HDAC9: variants seen among roughly 807,000 people sequenced by gnomAD.
The protein encoded by HDAC9 is MEF-2 interacting transcription repressor (MITR) protein.
In HDAC9, 41 loss-of-function variants were observed where a neutral mutation model predicts 139.4. The ratio of observed to expected loss-of-function variants is 0.29; its 90% CI spans 0.23 to 0.38. HDAC9 has a LOEUF of 0.38. Ranked by LOEUF, HDAC9 falls within the 10% of genes least tolerant of loss-of-function variation. HDAC9 has a pLI of 1.00. For synonymous variants in HDAC9, 517 were observed against 476.2 expected (o/e 1.09, Z -1.12); for missense variants, 1,147 against 1,297.0 (o/e 0.88, Z 1.78).
chr7:18,333,845 A>G (rs956840329), intron 1 of HDAC9, among the ~76,000 whole-genome samples: 13 of 151,466 alleles, frequency 8.6e-5, no homozygotes, highest in Non-Finnish European at 1.6e-4. Flanking sequence ...CTTAAAAATA[A>G]TAATGACAAA....
intron 1 of HDAC9, among the ~76,000 whole-genome samples, chr7:18,305,694 A>T (rs1264466052): frequency 6.6e-6 from 1 of 151,590 alleles, no homozygotes; most frequent in Non-Finnish European, 1.5e-5. Context: ...AAAGAAACAA[A>T]GTTTCTGATC....
chr7:18,423,198 T>A lies in HDAC9; in HGVS notation c.-41-73064T>A, dbSNP rs1009371853. Among the ~76,000 whole-genome samples, 8 of 152,268 alleles carry A rather than the reference T, an allele frequency of 5.3e-5. 1 individual carries two copies. The highest frequency in any genetic ancestry group is 1.7e-4 in the African/African-American group (7 of 41,474). On this transcript the variant is annotated intron_variant, in intron 1 of 3. Transcript: ENST00000413509. ...TCAAAAAGTACATTGATTATTTTTA[T>A]GAATGTTTAAAATTTAACAGCTTTC...
chr7:18,621,850 T>A (rs754163996), intron 6 of HDAC9, among the ~76,000 whole-genome samples: 23 of 152,206 alleles, frequency 1.5e-4, no homozygotes, highest in Non-Finnish European at 2.8e-4. Context: ...TAGAGTAACC[T>A]GTGTATTTTG....
intron 1 of HDAC9, among the ~76,000 whole-genome samples, chr7:18,111,450 A>G (rs1268661036): frequency 1.3e-5 from 2 of 152,230 alleles, no homozygotes; most frequent in African/African-American, 2.4e-5. Context: ...GTGGCAGAGT[A>G]TCACTGCCCC....
intron 1 of HDAC9, among the ~76,000 whole-genome samples, chr7:18,407,226 T>G (rs565336359): frequency 6.6e-6 from 1 of 152,336 alleles, no homozygotes; most frequent in South Asian, 2.1e-4. Flanking sequence ...CACCTATTTA[T>G]TGAGTTCTTT....
At chr7:18,303,391 G>T (rs1768328491) in intron 1 of HDAC9, among the ~76,000 whole-genome samples, 1 of 130,294 alleles carries the variant, frequency 7.7e-6, no homozygotes, top group African/African-American at 3.2e-5. Flanking sequence ...GTGTGTGTGT[G>T]TGTGTGTGTG....
chr7:18,798,895 C>G (rs1026651345), intron 17 of HDAC9, among the ~76,000 whole-genome samples: 1 of 152,096 alleles, frequency 6.6e-6, no homozygotes, highest in African/African-American at 2.4e-5. Context: ...TATATGCATA[C>G]TCAGATTTGT....
At chr7:18,832,728 GAT>G (rs138661929) in intron 19 of HDAC9, among the ~76,000 whole-genome samples, 130 of 68,006 alleles carry the variant, frequency 1.9e-3, no homozygotes, top group African/African-American at 5.2e-3. Flanking sequence ...ACAAAAAAAT[GAT>G]ATATATATAT....
chr7:18,167,223 A>C (rs1039599219), intron 2 of HDAC9, among the ~76,000 whole-genome samples: 1 of 150,830 alleles, frequency 6.6e-6, no homozygotes, highest in African/African-American at 2.4e-5. Flanking sequence ...CTTTAACTTC[A>C]CAGTTAAGTG....
intron 2 of HDAC9, among the ~76,000 whole-genome samples, chr7:18,501,525 A>G (rs752186508): frequency 6.6e-6 from 1 of 152,208 alleles, no homozygotes; most frequent in African/African-American, 2.4e-5. Flanking sequence ...TGCAGTTTTA[A>G]ATCTGCTTAA....
intron 2 of HDAC9, among the ~76,000 whole-genome samples, chr7:18,235,951 A>G (rs1212344679): frequency 6.6e-6 from 1 of 152,246 alleles, no homozygotes; most frequent in Non-Finnish European, 1.5e-5. Flanking sequence ...ATTTGGGTAT[A>G]TTAGTAGAGG....
intron 1 of HDAC9, among the ~76,000 whole-genome samples, chr7:18,158,564 A>G (rs1230161784): frequency 6.6e-6 from 1 of 152,220 alleles, no homozygotes; most frequent in African/African-American, 2.4e-5. Context: ...ACATATCTGT[A>G]AACAAATCCC....
chr7:18,578,862 C>G (rs1190791801), intron 2 of HDAC9, among the ~76,000 whole-genome samples: 1 of 152,216 alleles, frequency 6.6e-6, no homozygotes, highest in African/African-American at 2.4e-5. Flanking sequence ...GTTAGGTTAG[C>G]AGACCAGATG....
intron 17 of HDAC9, among the ~76,000 whole-genome samples, chr7:18,797,614 G>A (rs1792915818): frequency 6.6e-6 from 1 of 151,906 alleles, no homozygotes; most frequent in Non-Finnish European, 1.5e-5. Context: ...GATGACTTGA[G>A]GTCTGGTGTT....
chr7:18,591,068 G>A (rs1355037327), intron 4 of HDAC9, among the ~76,000 whole-genome samples: 1 of 151,986 alleles, frequency 6.6e-6, no homozygotes. Context: ...ATGCTCAAAG[G>A]GTTTTTTTAA....
At chr7:18,147,001 T>A (rs1562674118) in intron 1 of HDAC9, among the ~76,000 whole-genome samples, 1 of 152,200 alleles carries the variant, frequency 6.6e-6, no homozygotes, top group East Asian at 1.9e-4. Flanking sequence ...TCCTCAATAT[T>A]TGCATATTTT....
intron 1 of HDAC9, among the ~76,000 whole-genome samples, chr7:18,384,046 C>T (rs951012936): frequency 6.6e-6 from 1 of 152,120 alleles, no homozygotes; most frequent in Non-Finnish European, 1.5e-5. Flanking sequence ...CATGGTGGCT[C>T]ATGCCTGTAA....
rs1192113035 is a variant in HDAC9, at chr7:18,435,070, A to AT, written c.-41-61192_-41-61191insT. On this transcript the variant is annotated intron_variant, in intron 1 of 3. Transcript: ENST00000413509. The stretch of plus-strand genomic sequence containing the variant: ...AAATACTACACAGCCAAAAAAAAAA[A>AT]AAAAAAAAAAAGAACAAGATCATGT... 3.0e-4 allele frequency among the ~76,000 whole-genome samples: 45 copies of AT among 151,228 alleles called. 1 individual carries two copies. The highest frequency in any genetic ancestry group is 9.9e-4 in the African/African-American group (41 of 41,344).
In HDAC9 at chr7:18,603,843, T is replaced by G. The variant is rs901474896; in HGVS notation, c.664+9814T>G. 1.1e-4 allele frequency among the ~76,000 whole-genome samples: 16 copies of G among 152,238 alleles called. No homozygotes were observed. The South Asian group carries it at 3.1e-3, about 30-fold the overall frequency. On this transcript the variant is annotated intron_variant, in intron 6 of 25. Transcript: ENST00000686413. The stretch of plus-strand genomic sequence containing the variant: ...GCAGGCCTACAGGCAATAAATGTCC[T>G]TAGTTTTTGTTTGTCCAAGAAAGTG...
Sources: gnomAD v4.1 joint callset for allele counts (sites outside exome capture counted in the v4.1 genomes callset) on GRCh38, gnomAD v4.1.1 for gene constraint, MANE v1.5 for transcripts, NCBI Gene and HGNC (gene_info 2026-07-23, HGNC 2026-07-21) for gene names.